FSIP2: variants seen among roughly 807,000 people sequenced by gnomAD.
FSIP2 encodes the protein fibrous sheath interacting protein 2, also known as fibrous sheath-interacting protein 2.
In FSIP2, 367 loss-of-function variants were observed where a neutral mutation model predicts 510.5. The ratio of observed to expected loss-of-function variants is 0.72; its 90% confidence interval spans 0.66 to 0.78. The LOEUF (loss-of-function observed/expected upper bound fraction) is 0.78. Among genes scored for constraint, FSIP2 ranks in the 30% least tolerant of loss-of-function variants. The probability of loss-of-function intolerance (pLI) is 0.00; values close to 1 mark genes in which losing one functional copy is unlikely to be tolerated. For synonymous variants in FSIP2, 2,601 were observed against 2,732.2 expected, an observed-to-expected ratio of 0.95 and a Z score of 1.50; for missense variants, 7,594 against 7,901.7, an observed-to-expected ratio of 0.96 and a Z score of 1.48.
rs1693138730 is a variant in FSIP2, at chr2:185,791,935, A to C, written c.4799A>C (p.His1600Pro). 1.3e-6 allele frequency: 2 copies of C among 1,533,800 alleles called. No homozygotes were observed. Among genetic ancestry groups the C allele is most frequent in the South Asian group, 2.4e-5 (2 of 83,990 alleles). The change falls in exon 16 of 23, where the codon CAT becomes CCT. Residue 1600 changes from histidine to proline, a missense_variant. Physicochemically the swap from His to Pro is moderately conservative, Grantham distance 77. Coordinates refer to ENST00000424728, the MANE Select transcript of FSIP2 (RefSeq NM_173651.4). ...FAKLEGFANG[H>P]LEILGAINDG... is the part of the protein sequence containing the mutation. ...AAACTGGAAGGGTTTGCCAACGGAC[A>C]TTTAGAAATTTTGGGTGCTATTAAT...
chr2:185,822,417 C>A (rs145018400), intron 19 of FSIP2, among the ~76,000 whole-genome samples: 1 of 151,926 alleles, frequency 6.6e-6, no homozygotes, highest in African/African-American at 2.4e-5. Flanking sequence ...TGTATAATTA[C>A]ACTGAACAAT....
At chr2:185,742,488 TC>T (rs1418883319) in intron 2 of FSIP2, among the ~76,000 whole-genome samples, 1 of 152,198 alleles carries the variant, frequency 6.6e-6, no homozygotes, top group African/African-American at 2.4e-5. Context: ...CTATAAATAT[TC>T]TTTAAAATTG....
chr2:185,783,611 A>ATGAT (rs1407978232), intron 14 of FSIP2: 2 of 152,198 alleles, frequency 1.3e-5, no homozygotes, highest in East Asian at 3.9e-4. Context: ...GAGTATTCAT[A>ATGAT]TGATACATAA....
At chr2:185,784,616 T>C (rs570565231) in intron 14 of FSIP2, among the ~76,000 whole-genome samples, 37 of 152,158 alleles carry the variant, frequency 2.4e-4, no homozygotes, top group African/African-American at 8.4e-4. Context: ...ATAATGCTAG[T>C]TTTTAGGCAG....
rs1693554004 is a variant in FSIP2 at position 185,805,768 on chromosome 2, C to A, written c.16462C>A (p.Gln5488Lys). 5 of 1,600,446 alleles carry A rather than the reference C, an allele frequency of 3.1e-6. No individual in the cohort carries two copies. Among genetic ancestry groups the A allele is most frequent in the Non-Finnish European group, 4.3e-6 (5 of 1,175,514 alleles). ...CACATCAGTGAAAAAAGGTGACATC[C>A]AAAATCCAGTACTTAGCTCTATAAA... ...KDTSVKKGDI[Q>K]NPVLSSINAI... Residue 5488 changes from glutamine to lysine, a missense_variant, in exon 17 of 23, where the codon CAA (glutamine) becomes AAA (lysine). Coordinates refer to ENST00000424728, the MANE Select transcript of FSIP2 (RefSeq NM_173651.4).
At chr2:185,776,647 G>A (rs1692728624) in intron 13 of FSIP2, among the ~76,000 whole-genome samples, 1 of 152,022 alleles carries the variant, frequency 6.6e-6, no homozygotes, top group Non-Finnish European at 1.5e-5. Flanking sequence ...TTTCTTTATA[G>A]CAAAATATGT....
rs1203318739 is a variant in FSIP2, at chr2:185,790,137, T to A, written c.3001T>A (p.Ser1001Thr). The stretch of plus-strand genomic sequence containing the variant: ...AAATGTTCCAGGCATGGTTCTTTAT[T>A]CTGATGATGAAAATGAGGAAATAGA... The part of the protein sequence containing the change: ...PINVPGMVLY[S>T]DDENEEIDNI... Residue 1001 changes from serine to threonine, a missense_variant, in exon 16 of 23, where the codon TCT becomes ACT. By Grantham distance (58) the Ser-to-Thr change is moderately conservative. Coordinates refer to ENST00000424728, the MANE Select transcript of FSIP2 (RefSeq NM_173651.4). The A allele has an allele frequency of 2.6e-6, 4 of 1,533,552 alleles. No homozygotes were observed. The highest frequency in any genetic ancestry group is 3.5e-6 in the Non-Finnish European group (4 of 1,145,256). 95.0% of individuals were successfully genotyped at this position (1,533,552 alleles called of 1,614,324 possible).
In FSIP2 at chr2:185,807,810, T is replaced by G. The variant is rs1393207621; in HGVS notation, c.18504T>G (p.Pro6168=). 2 of 1,612,580 alleles carry G rather than the reference T, an allele frequency of 1.2e-6. No homozygotes were observed. Among genetic ancestry groups the G allele is most frequent in the Non-Finnish European group, 1.7e-6 (2 of 1,179,224 alleles). Residue 6168 remains proline (P), a synonymous_variant, in exon 17 of 23, where the codon CCT becomes CCG. Coordinates refer to ENST00000424728, the MANE Select transcript of FSIP2 (RefSeq NM_173651.4). ...CTACTGATGTGCCCCTACCTAAACCTTCACATGCTGATAAGCTGTCTTATA... is the reference window on the plus strand; with the variant it reads ...CTACTGATGTGCCCCTACCTAAACCGTCACATGCTGATAAGCTGTCTTATA... The part of the protein sequence containing the change: ...FQTTDVPLPK[P]SHADKLSYNI...
At chr2:185,818,787 T>A (rs569288754) in intron 19 of FSIP2, among the ~76,000 whole-genome samples, 18 of 151,958 alleles carry the variant, frequency 1.2e-4, no homozygotes, top group African/African-American at 3.9e-4. Flanking sequence ...AGGGAGTTCA[T>A]TAACACTAGA....
Position 185,802,554 on chromosome 2 carries a change from C to G in FSIP2, c.13248C>G (p.Tyr4416Ter). 1 of 1,528,522 alleles carries G rather than the reference C, an allele frequency of 6.5e-7. No homozygotes were observed. The highest frequency in any genetic ancestry group is 8.7e-7 in the Non-Finnish European group (1 of 1,143,792). The allele number at this position is 1,528,522 out of a possible 1,614,324, so 94.7% of individuals were successfully genotyped here. The change falls in exon 17 of 23, where the codon TAC (tyrosine) becomes TAG (stop). Residue 4416 changes from tyrosine to a stop codon, truncating the protein, a stop_gained. Coordinates refer to ENST00000424728, the MANE Select transcript of FSIP2 (RefSeq NM_173651.4). LOFTEE classifies it high-confidence loss of function. ...TNLIVAAISD[Y>*]LLHPLFSGDF... ...TAATTGTAGCAGCTATTTCAGATTA[C>G]CTTCTTCATCCACTGTTTTCTGGGG...
chr2:185,806,127 C>A lies in FSIP2; in HGVS notation c.16821C>A (p.Gly5607=). Residue 5607 remains glycine (G), a synonymous_variant, in exon 17 of 23, where the codon GGC becomes GGA. Transcript: ENST00000424728. ...TACTTGGATCAGATTCTGAAATAGG[C>A]TATAAAAAGAAGATTGACAATGCAA... ...KEVLGSDSEI[G]YKKKIDNARE... is the part of the protein sequence containing the mutation. The A allele has an allele frequency of 6.4e-7, 1 of 1,573,088 alleles. No homozygotes were observed. Among genetic ancestry groups the A allele is most frequent in the South Asian group, 1.2e-5 (1 of 82,856 alleles).
intron 8 of FSIP2, among the ~76,000 whole-genome samples, chr2:185,754,351 T>C (rs994806662): frequency 1.3e-5 from 2 of 151,534 alleles, no homozygotes; most frequent in Non-Finnish European, 3.0e-5. Context: ...TTCGCTTCGA[T>C]ATTAGATAAA....
rs2105645383 is a variant in FSIP2, at chr2:185,804,042, A to G, written c.14736A>G (p.Leu4912=). 1.3e-6 allele frequency: 2 copies of G among 1,511,572 alleles called. No individual in the cohort carries two copies. The highest frequency in any genetic ancestry group is 8.8e-7 in the Non-Finnish European group (1 of 1,133,268). 93.6% of individuals were successfully genotyped at this position (1,511,572 alleles called of 1,614,324 possible). Residue 4912 remains leucine, a synonymous_variant, in exon 17 of 23, where the codon TTA becomes TTG. Coordinates refer to ENST00000424728, the MANE Select transcript of FSIP2 (RefSeq NM_173651.4). ...EIFNHHIQSF[L]SEDKTLLLAA... The stretch of plus-strand genomic sequence containing the variant: ...TTAACCATCATATTCAATCATTTTT[A>G]TCTGAAGATAAAACTCTCCTTTTGG...
Position 185,790,596 on chromosome 2 carries a change from A to G in FSIP2, c.3460A>G (p.Ile1154Val), listed in dbSNP as rs1234942353. Reference sequence around the variant, plus strand: ...TCAAGGACTGTCACATCAAGAATGGATAGACCAGATGTTTTCTGTTTCAGA... The same window carrying G: ...TCAAGGACTGTCACATCAAGAATGGGTAGACCAGATGTTTTCTGTTTCAGA... ...KPQGLSHQEW[I>V]DQMFSVSEIS... The change falls in exon 16 of 23, where the codon ATA becomes GTA. Residue 1154 changes from isoleucine (I) to valine (V), a missense_variant. Coordinates refer to ENST00000424728, the MANE Select transcript of FSIP2 (RefSeq NM_173651.4). 1 of 1,533,926 alleles carries G rather than the reference A, an allele frequency of 6.5e-7. No individual in the cohort carries two copies. Among genetic ancestry groups the G allele is most frequent in the Non-Finnish European group, 8.7e-7 (1 of 1,145,518 alleles).
In FSIP2 at chr2:185,797,267, C is replaced by A. The variant is rs539739705; in HGVS notation, c.10131C>A (p.Asn3377Lys). Residue 3377 changes from asparagine to lysine, a missense_variant, in exon 16 of 23, where the codon AAC (asparagine) becomes AAA (lysine). Coordinates refer to ENST00000424728, the MANE Select transcript of FSIP2 (RefSeq NM_173651.4). ...AAGTATCTGGAGGGCAAAAGGATAA[C>A]GAAAAAAGTTTGCTTAGAATGCAGG... ...LSEVSGGQKD[N>K]EKSLLRMQDK... 1 of 1,532,506 alleles carries A rather than the reference C, an allele frequency of 6.5e-7. No homozygotes were observed. Among genetic ancestry groups the A allele is most frequent in the Non-Finnish European group, 8.7e-7 (1 of 1,145,590 alleles). The allele number at this position is 1,532,506 out of a possible 1,614,324, so 94.9% of individuals were successfully genotyped here.
intron 16 of FSIP2, among the ~76,000 whole-genome samples, chr2:185,798,978 A>G (rs1338245604): frequency 6.6e-6 from 1 of 151,820 alleles, no homozygotes; most frequent in Non-Finnish European, 1.5e-5. Context: ...CTTGCCTGAT[A>G]ACACATGAAG....
At chr2:185,751,364 T>G (rs1194206083) in intron 7 of FSIP2, among the ~76,000 whole-genome samples, 2 of 151,530 alleles carry the variant, frequency 1.3e-5, no homozygotes, top group Non-Finnish European at 3.0e-5. Flanking sequence ...ACATGTAATA[T>G]TAACATTGCC....
chr2:185,794,832 A>G lies in FSIP2; in HGVS notation c.7696A>G (p.Thr2566Ala), dbSNP rs1026607867. The change falls in exon 16 of 23, where the codon ACA (threonine) becomes GCA (alanine). Residue 2566 changes from threonine to alanine, a missense_variant. Physicochemically the swap from Thr to Ala is moderately conservative, Grantham distance 58. Coordinates refer to ENST00000424728, the MANE Select transcript of FSIP2 (RefSeq NM_173651.4). ...TSLYENNKSR[T>A]EVEISDHNDS... ...ATTATATGAAAATAATAAAAGTAGG[A>G]CAGAAGTTGAAATATCTGACCACAA... The G allele has an allele frequency of 3.9e-6, 6 of 1,531,176 alleles. No homozygotes were observed. The African/African-American group carries it at 8.2e-5, about 21-fold the overall frequency. The allele number at this position is 1,531,176 out of a possible 1,614,324, so 94.8% of individuals were successfully genotyped here.
At position 185,801,346 on chromosome 2, in the gene FSIP2, G is replaced by A; in HGVS notation, c.12040G>A (p.Val4014Ile). The A allele has an allele frequency of 6.5e-7, 1 of 1,534,038 alleles. No homozygotes were observed. Reference sequence around the variant, plus strand: ...GATGAATACATTATTTGTCAACAATGTAGTGAATGAATTTAATAATGCTCA... The same window carrying A: ...GATGAATACATTATTTGTCAACAATATAGTGAATGAATTTAATAATGCTCA... ...NEMNTLFVNN[V>I]VNEFNNAQVT... The change falls in exon 17 of 23, where the codon GTA becomes ATA. Residue 4014 changes from valine (V) to isoleucine (I), a missense_variant. By Grantham distance (29) the Val-to-Ile change is conservative (BLOSUM62 3). Transcript: ENST00000424728.
Sources: gnomAD v4.1 joint callset for allele counts (sites outside exome capture counted in the v4.1 genomes callset) on GRCh38, gnomAD v4.1.1 for gene constraint, MANE v1.5 for transcripts, NCBI Gene and HGNC (gene_info 2026-07-23, HGNC 2026-07-21) for gene names.